Variants in SMARCC2 observed in about 807,000 individuals in gnomAD.
SMARCC2 encodes SWI/SNF complex subunit SMARCC2.
A neutral mutation model predicts 151.3 loss-of-function variants in SMARCC2; 15 were observed. The ratio of observed to expected loss-of-function variants is 0.10; its 90% CI spans 0.07 to 0.15. The LOEUF (loss-of-function observed/expected upper bound fraction) is 0.15. Ranked by LOEUF, SMARCC2 falls within the 10% of genes least tolerant of loss-of-function variation. SMARCC2 has a pLI of 1.00. For missense variants in SMARCC2, 1,031 were observed against 1,599.7 expected, an observed-to-expected ratio of 0.64 and a Z score of 6.06; for synonymous variants, 590 against 609.5, an observed-to-expected ratio of 0.97 and a Z score of 0.47.
intron 16 of SMARCC2, among the ~76,000 whole-genome samples, chr12:56,174,059 C>G (rs1874472189): frequency 6.6e-6 from 1 of 152,176 alleles, no homozygotes; most frequent in African/African-American, 2.4e-5. Flanking sequence ...ACATCTTCAG[C>G]CTGGGCCAAT....
intron 3 of SMARCC2, chr12:56,185,343 T>A (rs935992531): frequency 4.2e-6 from 2 of 470,954 alleles, no homozygotes; most frequent in African/African-American, 4.0e-5. Flanking sequence ...CTCACGTGGC[T>A]AATTTTTGTA....
At chr12:56,179,211 A>C (rs551734700) in intron 11 of SMARCC2, among the ~76,000 whole-genome samples, 155 bp from the exon 12 acceptor site, 19 of 152,278 alleles carry the variant, frequency 1.2e-4, no homozygotes, top group African/African-American at 4.6e-4. Flanking sequence ...AGGGCTTCAA[A>C]CTTCTTGCTA....
intron 1 of SMARCC2, 120 bp from the exon 2 acceptor site, chr12:56,187,426 C>T: frequency 1.1e-6 from 1 of 917,834 alleles, no homozygotes; most frequent in Non-Finnish European, 1.7e-6. Context: ...TGCCCTTCTC[C>T]CCATTTAGTC....
chr12:56,177,055 G>C (rs1018821330), intron 15 of SMARCC2, among the ~76,000 whole-genome samples: 1 of 151,806 alleles, frequency 6.6e-6, no homozygotes, highest in African/African-American at 2.4e-5. Context: ...TCCTGACCTC[G>C]GGTGATCCGC....
chr12:56,186,104 G>T (rs1418515884), intron 3 of SMARCC2, 51 bp downstream of exon 3: 2 of 1,266,934 alleles, frequency 1.6e-6, no homozygotes, highest in South Asian at 1.2e-5. Flanking sequence ...GAATCAAAAA[G>T]GGGGATTTCC....
At chr12:56,167,295 C>T (rs1201220423) in intron 26 of SMARCC2, among the ~76,000 whole-genome samples, 1 of 151,994 alleles carries the variant, frequency 6.6e-6, no homozygotes, top group Non-Finnish European at 1.5e-5. Context: ...TTGTGGTGAG[C>T]GAAGATCACA....
Position 56,185,573 on chromosome 12 carries a change from T to C in SMARCC2, c.318-462A>G, listed in dbSNP as rs1398874713. On this transcript the variant is annotated intron_variant, in intron 3 of 28. Coordinates refer to ENST00000550164, the MANE Select transcript of SMARCC2 (RefSeq NM_001330288.2). ...GGCCAGCTGCAACCTCTGCCTCCTA[T>C]GTGCAAGCCATTCTCCTGCCTCAGC... 12 of 171,180 alleles carry C rather than the reference T, an allele frequency of 7.0e-5. No homozygotes were observed. In the East Asian group the frequency reaches 1.3e-3, roughly 19 times the overall value. The allele number at this position is 171,180 out of a possible 1,614,324, so 10.6% of individuals were successfully genotyped here. A position where few individuals can be genotyped will look rare whatever the true frequency, so the allele number is the denominator to read the frequency against.
At chr12:56,178,887 G>A (rs777013641) in intron 12 of SMARCC2, 40 bp from the exon 13 acceptor site, 8 of 1,610,440 alleles carry the variant, frequency 5.0e-6, no homozygotes, top group Admixed American at 1.7e-5. Flanking sequence ...GGAGCCTCCT[G>A]AGGGGCAAGA....
intron 27 of SMARCC2, 104 bp from the exon 28 acceptor site, chr12:56,164,835 C>G: frequency 9.9e-7 from 1 of 1,007,670 alleles, no homozygotes; most frequent in Non-Finnish European, 1.4e-6. Context: ...TGTCACCAGG[C>G]TGGAGTGCAG....
rs1775129589 is a variant in SMARCC2 at position 56,171,069 on chromosome 12, G to T, written c.2347+202C>A. 6.6e-6 allele frequency among the ~76,000 whole-genome samples: 1 copy of T among 152,176 alleles called. No homozygotes were observed. Among genetic ancestry groups the T allele is most frequent in the Non-Finnish European group, 1.5e-5 (1 of 68,024 alleles). ...TCTAACAGCCCCTTCTACAAGCAAAGATTTTTCTACCCAAAATCTTCATGA... is the reference window on the plus strand; with the variant it reads ...TCTAACAGCCCCTTCTACAAGCAAATATTTTTCTACCCAAAATCTTCATGA... On this transcript the variant is annotated intron_variant, in intron 22 of 28. Transcript: ENST00000550164. The surrounding 1 kb of genome is among the most constrained non-coding windows in gnomAD (Gnocchi z 4.2).
intron 13 of SMARCC2, 109 bp from the exon 14 acceptor site, chr12:56,178,643 T>C (rs1161521262): frequency 6.6e-7 from 1 of 1,520,370 alleles, no homozygotes; most frequent in African/African-American, 1.4e-5. Context: ...GTGATGGGAC[T>C]GAGCAGTCAT....
chr12:56,184,076 G>C lies in SMARCC2; in HGVS notation c.562+99C>G, dbSNP rs1876773730. ...TAAGGTGGTAAGAGGATTCAAGATT[G>C]AAAGAAGAGGAGGAGCCCAGGTACT... On this transcript the variant is annotated intron_variant, in intron 6 of 28. Transcript: ENST00000550164. 8 of 1,062,676 alleles carry C rather than the reference G, an allele frequency of 7.5e-6. No homozygotes were observed. In the Admixed American group the frequency reaches 1.0e-4, roughly 13 times the overall value. The allele number at this position is 1,062,676 out of a possible 1,614,324, so 65.8% of individuals were successfully genotyped here.
At chr12:56,186,512 G>A (rs539009607) in intron 2 of SMARCC2, 19 of 398,204 alleles carry the variant, frequency 4.8e-5, no homozygotes, top group South Asian at 2.5e-4. Context: ...CACCACACCC[G>A]GCTAATTTTG....
chr12:56,179,001 G>C lies in SMARCC2; in HGVS notation c.1137C>G (p.Asp379Glu). Residue 379 changes from aspartate (D) to glutamate (E), a missense_variant, in exon 12 of 29, where the codon GAC (aspartate) becomes GAG (glutamate). By Grantham distance (45) the Asp-to-Glu change is conservative. Transcript: ENST00000550164. The stretch of plus-strand genomic sequence containing the variant: ...CCCAAGAGGCTCCTGTCTTACCCAG[G>C]TCGGTCATGGTGCCGCCTTTGACTG... ...SAPVKGGTMT[D>E]LDEQEDESME... 6.2e-7 allele frequency: 1 copy of C among 1,614,074 alleles called. No individual in the cohort carries two copies. Among genetic ancestry groups the C allele is most frequent in the Non-Finnish European group, 8.5e-7 (1 of 1,179,966 alleles).
intron 5 of SMARCC2, 199 bp downstream of exon 5, chr12:56,184,645 T>G (rs1230639459): frequency 3.4e-6 from 2 of 585,286 alleles, no homozygotes; most frequent in Non-Finnish European, 6.1e-6. Flanking sequence ...AGAACAGTAA[T>G]GCAAACCTGT....
chr12:56,178,126 G>A, intron 14 of SMARCC2, 33 bp from the exon 15 acceptor site: 1 of 1,576,968 alleles, frequency 6.3e-7, no homozygotes, highest in Non-Finnish European at 8.7e-7. Context: ...TTCAGAAGAA[G>A]GCATTGGTGA....
chr12:56,177,164 G>A (rs1054650530), intron 15 of SMARCC2, among the ~76,000 whole-genome samples: 2 of 151,860 alleles, frequency 1.3e-5, no homozygotes, highest in East Asian at 3.9e-4. Flanking sequence ...CAGCATGGTC[G>A]CGATCTCCTG....
Position 56,173,779 on chromosome 12 carries a change from T to C in SMARCC2, c.1567A>G (p.Met523Val), listed in dbSNP as rs749739350. 6.2e-6 allele frequency: 10 copies of C among 1,613,528 alleles called. No individual in the cohort carries two copies. The highest frequency in any genetic ancestry group is 1.1e-5 in the South Asian group (1 of 91,074). Reference protein sequence around the residue: ...QVDAESRPTPMGPPPTSHFHV... With the variant: ...QVDAESRPTPVGPPPTSHFHV... Reference sequence around the variant, plus strand: ...AAGTGAGAGGTAGGCGGAGGCCCCATTGGGGTTGGTCGACTCTCAGCATCC... The same window carrying C: ...AAGTGAGAGGTAGGCGGAGGCCCCACTGGGGTTGGTCGACTCTCAGCATCC... The change falls in exon 17 of 29, where the codon ATG (methionine) becomes GTG (valine). Residue 523 changes from methionine (M) to valine (V), a missense_variant. By Grantham distance (21) the Met-to-Val change is conservative (BLOSUM62 1). Coordinates refer to ENST00000550164, the MANE Select transcript of SMARCC2 (RefSeq NM_001330288.2).
intron 3 of SMARCC2, chr12:56,185,869 CA>C: frequency 2.4e-6 from 1 of 414,694 alleles, no homozygotes; most frequent in East Asian, 4.2e-5. Flanking sequence ...ATCTCAACTC[CA>C]TGAATCACTC....
Sources: gnomAD v4.1 joint callset for allele counts (sites outside exome capture counted in the v4.1 genomes callset) on GRCh38, gnomAD v4.1.1 for gene constraint, Gnocchi (gnomAD v3.1) non-coding constraint, MANE v1.5 for transcripts, NCBI Gene and HGNC (gene_info 2026-07-23, HGNC 2026-07-21) for gene names.